Variants in COQ9 observed in about 807,000 individuals in gnomAD.
The protein encoded by COQ9 is ubiquinone biosynthesis protein COQ9, mitochondrial.
In COQ9, 35 loss-of-function variants were observed where a neutral mutation model predicts 42.4. The observed-to-expected ratio is 0.83, with a 90% confidence interval of 0.63 to 1.10. COQ9 has a LOEUF of 1.10. COQ9 is among the 50% of genes least tolerant of loss of function. The probability of loss-of-function intolerance (pLI) is 0.00; values close to 1 mark genes in which losing one functional copy is unlikely to be tolerated. For missense variants in COQ9, 406 were observed against 414.6 expected (o/e 0.98, Z 0.18); for synonymous variants, 155 against 155.1 (o/e 1.00, Z 0.00).
In COQ9 at chr16:57,447,560, C is replaced by CAGCT. The variant is rs752346925; in HGVS notation, c.56_59dup (p.Arg21AlafsTer30). On this transcript the variant is annotated frameshift_variant, in exon 1 of 9. Coordinates refer to ENST00000262507, the MANE Select transcript of COQ9 (RefSeq NM_020312.4). LOFTEE classifies it high-confidence loss of function. ...TGGCCGGGCGGGCTGGAGGCTCCTG[C>CAGCT]AGCTGCGATGCCTGCCCGGTGAGGG... 4 of 1,291,358 alleles carry CAGCT rather than the reference C, an allele frequency of 3.1e-6. No individual in the cohort carries two copies. The highest frequency in any genetic ancestry group is 1.5e-5 in the African/African-American group (1 of 65,298). The allele number at this position is 1,291,358 out of a possible 1,614,324, so 80.0% of individuals were successfully genotyped here.
chr16:57,456,055 A>C (rs2030394717), intron 3 of COQ9, among the ~76,000 whole-genome samples: 2 of 152,128 alleles, frequency 1.3e-5, no homozygotes, highest in African/African-American at 2.4e-5. Context: ...GTCTCAAAAA[A>C]AAAGTAAAAA....
chr16:57,460,543 G>A (rs775231987), intron 8 of COQ9, 46 bp from the exon 9 acceptor site: 24 of 1,591,158 alleles, frequency 1.5e-5, no homozygotes, highest in Non-Finnish European at 2.1e-5. Context: ...GAGTCTAGAG[G>A]CAAGGTAAGC....
chr16:57,449,004 T>G (rs76088278), intron 1 of COQ9, among the ~76,000 whole-genome samples: 1 of 152,128 alleles, frequency 6.6e-6, no homozygotes, highest in Non-Finnish European at 1.5e-5. Flanking sequence ...TAATAACTAT[T>G]GCAATAGGGA....
rs2030418924 is a variant in COQ9 at position 57,456,974 on chromosome 16, A to G, written c.565A>G (p.Arg189Gly). The G allele has an allele frequency of 1.2e-6, 2 of 1,614,074 alleles. No homozygotes were observed. Among genetic ancestry groups the G allele is most frequent in the East Asian group, 4.5e-5 (2 of 44,900 alleles). ...DQFLRDAVET[R>G]LRMLIPYIEH... ...GTTCCTGAGGGATGCAGTGGAAACC[A>G]GACTGAGAATGCTGATCCCATACAT... Residue 189 changes from arginine to glycine, a missense_variant, in exon 5 of 9, where the codon AGA becomes GGA. By Grantham distance (125) the Arg-to-Gly change is moderately radical. Coordinates refer to ENST00000262507, the MANE Select transcript of COQ9 (RefSeq NM_020312.4).
chr16:57,460,118 A>T lies in COQ9; in HGVS notation c.921+14A>T, dbSNP rs1011025731. On this transcript the variant is annotated intron_variant, in intron 8 of 8. Coordinates refer to ENST00000262507, the MANE Select transcript of COQ9 (RefSeq NM_020312.4). ...GCAGCAGTGACGGTGAGTACTGCCC[A>T]GCACATCCCTGCCCCTCCTCTCTCC... The T allele has an allele frequency of 6.2e-7, 1 of 1,613,854 alleles. No individual in the cohort carries two copies. The highest frequency in any genetic ancestry group is 1.3e-5 in the African/African-American group (1 of 75,022).
At chr16:57,452,068 C>T (rs949616506) in intron 2 of COQ9, among the ~76,000 whole-genome samples, 1 of 152,080 alleles carries the variant, frequency 6.6e-6, no homozygotes, top group Non-Finnish European at 1.5e-5. Context: ...TTTCTGATTT[C>T]CTAACTAAAG....
chr16:57,456,647 G>T lies in COQ9; in HGVS notation c.521+1G>T, dbSNP rs755558659. ...AGCTGGTACAGTTGGGCCAGGCGGA[G>T]TAAGTCCCATGGCATTACTACTCAG... On this transcript the variant is annotated splice_donor_variant, in intron 4 of 8. Transcript: ENST00000262507. LOFTEE classifies it high-confidence loss of function. The T allele has an allele frequency of 1.2e-6, 2 of 1,613,392 alleles. No homozygotes were observed. The highest frequency in any genetic ancestry group is 3.3e-5 in the Admixed American group (2 of 59,972).
chr16:57,458,309 G>A lies in COQ9; in HGVS notation c.670G>A (p.Val224Met), dbSNP rs1251073711. The A allele has an allele frequency of 1.9e-6, 3 of 1,613,116 alleles. No individual in the cohort carries two copies. Among genetic ancestry groups the A allele is most frequent in the Non-Finnish European group, 2.5e-6 (3 of 1,179,616 alleles). Residue 224 changes from valine (V) to methionine (M), a missense_variant, in exon 6 of 9, where the codon GTG (valine) becomes ATG (methionine). Physicochemically the swap from Val to Met is conservative, Grantham distance 21. Coordinates refer to ENST00000262507, the MANE Select transcript of COQ9 (RefSeq NM_020312.4). ...PSSLSLLTSM[V>M]DDMWHYAGDQ... The stretch of plus-strand genomic sequence containing the variant: ...CAGCCTGAGCCTGCTCACCAGCATG[G>A]TGGATGACATGTGGCATTACGCTGG...
In COQ9 at chr16:57,456,488, G is replaced by C. The variant is rs62037144; in HGVS notation, c.379-16G>C. The C allele has an allele frequency of 4.9e-3, 7,948 of 1,614,078 alleles. 35 individuals are homozygous for C. The highest frequency in any genetic ancestry group is 6.1e-3 in the Non-Finnish European group (7,225 of 1,179,996). On this transcript the variant is annotated splice_polypyrimidine_tract_variant and intron_variant, in intron 3 of 8. Transcript: ENST00000262507. ...CTTGGGCACCGCTTTTCTGTTTTCT[G>C]TCTCCCCTTTTGTAGTCTCTGGGTC...
In COQ9 at chr16:57,450,948, C is replaced by T. The variant is rs546986265; in HGVS notation, c.74-92C>T. 2.3e-4 allele frequency: 315 copies of T among 1,394,614 alleles called. 3 individuals carry two copies. The South Asian group carries it at 3.6e-3, about 16-fold the overall frequency. The allele number at this position is 1,394,614 out of a possible 1,614,324, so 86.4% of individuals were successfully genotyped here. A position where few individuals can be genotyped will look rare whatever the true frequency, so the allele number is the denominator to read the frequency against. ...TAAGTGGTTCTACAGGAGTCTCTGGCCTGCTTTTCCTCCTCCTTATCTGTG... is the reference window on the plus strand; with the variant it reads ...TAAGTGGTTCTACAGGAGTCTCTGGTCTGCTTTTCCTCCTCCTTATCTGTG... On this transcript the variant is annotated intron_variant, in intron 1 of 8. Transcript: ENST00000262507.
Position 57,447,507 on chromosome 16 carries a change from T to TGGCGGC in COQ9, c.11_16dup (p.Ala4_Ala5dup). ...GTGGGCGACGTGCCCGCTTCCAAAATGGCGGCGGCGGCGGTATCTGGTGCG... is the reference window on the plus strand; with the variant it reads ...GTGGGCGACGTGCCCGCTTCCAAAATGGCGGCGGCGGCGGCGGCGGTATCTGGTGCG... On this transcript the variant is annotated inframe_insertion, in exon 1 of 9. Transcript: ENST00000262507. 6.3e-6 allele frequency: 8 copies of TGGCGGC among 1,274,478 alleles called. No individual in the cohort carries two copies. The highest frequency in any genetic ancestry group is 8.0e-6 in the Non-Finnish European group (8 of 1,001,838). The allele number at this position is 1,274,478 out of a possible 1,614,324, so 78.9% of individuals were successfully genotyped here.
chr16:57,453,001 A>G, intron 3 of COQ9, 65 bp downstream of exon 3: 1 of 1,600,846 alleles, frequency 6.2e-7, no homozygotes, highest in Non-Finnish European at 8.5e-7. Context: ...CACCAGGCAG[A>G]GCGGGGGGCC....
Position 57,460,638 on chromosome 16 carries a change from A to G in COQ9, c.*14A>G. On this transcript the variant is annotated 3_prime_UTR_variant, in exon 9 of 9. Coordinates refer to ENST00000262507, the MANE Select transcript of COQ9 (RefSeq NM_020312.4). ...CAGCGTCGGTGAGAGGAAGGGGTAT[A>G]AGCTACAATGCCTAGAAGAGAATGA... The G allele has an allele frequency of 6.2e-7, 1 of 1,611,472 alleles. No homozygotes were observed. The highest frequency in any genetic ancestry group is 1.1e-5 in the South Asian group (1 of 91,032).
chr16:57,450,841 C>T, intron 1 of COQ9, 199 bp from the exon 2 acceptor site: 2 of 651,546 alleles, frequency 3.1e-6, no homozygotes, highest in Admixed American at 2.3e-5. Flanking sequence ...ATCATTTTTC[C>T]TGGCTTACCA....
chr16:57,460,163 A>G (rs2030502452), intron 8 of COQ9, 59 bp downstream of exon 8: 20 of 1,519,448 alleles, frequency 1.3e-5, no homozygotes, highest in Middle Eastern at 1.7e-4. Flanking sequence ...TCTGTGATAC[A>G]TGTGTTACTG....
intron 7 of COQ9, 114 bp from the exon 8 acceptor site, chr16:57,459,937 G>T: frequency 9.4e-7 from 1 of 1,062,442 alleles, no homozygotes; most frequent in Middle Eastern, 2.6e-4. Context: ...TTCCAGTAAC[G>T]TGGCCCCCTT....
chr16:57,452,370 G>A (rs1448034019), intron 2 of COQ9, among the ~76,000 whole-genome samples: 5 of 152,228 alleles, frequency 3.3e-5, no homozygotes, highest in African/African-American at 4.8e-5. Context: ...GGCTGGGCGC[G>A]GTGGCTCGCG....
Position 57,459,699 on chromosome 16 carries a change from C to T in COQ9, c.846C>T (p.Asn282=). ...AAAACCGGGTTAATGATGCAATGAA[C>T]ATGGGCCACACTGCCAAGCAGGTAG... ...FLENRVNDAM[N]MGHTAKQVKS... Residue 282 remains asparagine, a synonymous_variant, in exon 7 of 9, where the codon AAC becomes AAT. Coordinates refer to ENST00000262507, the MANE Select transcript of COQ9 (RefSeq NM_020312.4). The T allele has an allele frequency of 1.2e-6, 2 of 1,614,198 alleles. No homozygotes were observed. The highest frequency in any genetic ancestry group is 1.7e-6 in the Non-Finnish European group (2 of 1,180,022).
chr16:57,452,836 A>G lies in COQ9; in HGVS notation c.278A>G (p.Tyr93Cys), dbSNP rs1406199134. The stretch of plus-strand genomic sequence containing the variant: ...CAGGGCGGCGAGGAGGAGGAGGACT[A>G]TGAAAGTGAGGAGCAGTTGCAGCAC... The part of the protein sequence containing the change: ...TDQGGEEEED[Y>C]ESEEQLQHRI... Residue 93 changes from tyrosine (Y) to cysteine (C), a missense_variant, in exon 3 of 9, where the codon TAT becomes TGT. By Grantham distance (194) the Tyr-to-Cys change is radical (BLOSUM62 -2). Transcript: ENST00000262507. 6.2e-7 allele frequency: 1 copy of G among 1,613,532 alleles called. No individual in the cohort carries two copies. The highest frequency in any genetic ancestry group is 1.3e-5 in the African/African-American group (1 of 74,894).
Sources: gnomAD v4.1 joint callset for allele counts (sites outside exome capture counted in the v4.1 genomes callset) on GRCh38, gnomAD v4.1.1 for gene constraint, MANE v1.5 for transcripts, NCBI Gene and HGNC (gene_info 2026-07-23, HGNC 2026-07-21) for gene names.